The following CRYBG1 variants were observed in gnomAD, a reference collection of about 807,000 sequenced individuals.
CRYBG1 encodes the protein crystallin beta-gamma domain containing 1, also known as beta/gamma crystallin domain-containing protein 1.
Under a neutral mutation model 189.2 loss-of-function variants are expected in CRYBG1, and 139 were observed. The observed-to-expected ratio is 0.73, with a 90% CI of 0.64 to 0.85. CRYBG1 has a LOEUF of 0.85. CRYBG1 is among the 40% of genes least tolerant of loss of function. The probability of loss-of-function intolerance (pLI) is 0.00; values close to 1 mark genes in which losing one functional copy is unlikely to be tolerated. For synonymous variants in CRYBG1, 1,023 were observed against 1,017.1 expected (o/e 1.01, Z -0.11); for missense variants, 2,611 against 2,675.8 (o/e 0.98, Z 0.53).
chr6:106,521,235 C>A lies in CRYBG1; in HGVS notation c.4027C>A (p.Leu1343Met). 1 of 1,614,036 alleles carries A rather than the reference C, an allele frequency of 6.2e-7. No individual in the cohort carries two copies. The highest frequency in any genetic ancestry group is 8.5e-7 in the Non-Finnish European group (1 of 1,179,972). ...GCAAAAAGAGAAAACCAAAGAAGAT[C>A]TGGATTCACGAAGCAACCTACACTT... is the stretch of plus-strand genomic sequence containing the variant. ...YPQKEKTKED[L>M]DSRSNLHLPE... is the part of the protein sequence containing the mutation. The change falls in exon 4 of 22, where the codon CTG (leucine) becomes ATG (methionine). Residue 1343 changes from leucine (L) to methionine (M), a missense_variant. By Grantham distance (15) the Leu-to-Met change is conservative (BLOSUM62 2). Around this residue, in one of 3 missense-constraint regions of CRYBG1, gnomAD observed 1,622 missense variants for 1,735.0 expected, o/e 0.93. Coordinates refer to ENST00000633556, the MANE Select transcript of CRYBG1 (RefSeq NM_001371242.2).
intron 2 of CRYBG1, among the ~76,000 whole-genome samples, chr6:106,505,257 G>T (rs1156229611): frequency 1.3e-5 from 2 of 152,080 alleles, no homozygotes; most frequent in Non-Finnish European, 1.5e-5. Context: ...ACCACACCCG[G>T]CTAATTTTTT....
rs777297975 is a variant in CRYBG1 at position 106,512,606 on chromosome 6, C to T, written c.1489C>T (p.Arg497Ter). Residue 497 changes from arginine (R) to a stop codon, truncating the protein, a stop_gained, in exon 3 of 22, where the codon CGA (arginine) becomes TGA (stop). Transcript: ENST00000633556. LOFTEE classifies it high-confidence loss of function. ...CAGCCCCGGTACCAAAGGGCAGCTC[C>T]GAGGGGAGTCGGACCGGAGCAAACA... ...KPSPGTKGQL[R>*]GESDRSKQPP... 12 of 1,601,926 alleles carry T rather than the reference C, an allele frequency of 7.5e-6. No homozygotes were observed. The highest frequency in any genetic ancestry group is 6.9e-5 in the Admixed American group (4 of 58,378).
chr6:106,510,338 G>T (rs1274060725), intron 2 of CRYBG1, among the ~76,000 whole-genome samples: 1 of 152,174 alleles, frequency 6.6e-6, no homozygotes, highest in African/African-American at 2.4e-5. Flanking sequence ...CACCTACCCA[G>T]TCCCCACTCT....
chr6:106,520,300 C>CTG lies in CRYBG1; in HGVS notation c.3092_3093insTG (p.Pro1032GlyfsTer21), dbSNP rs768173586. ...GCAAAATCTGGCCCACAAGTCATAC[C>CTG]GCCAGCATCAGAGAAAACTCTGCCT... is the stretch of plus-strand genomic sequence containing the variant. On this transcript the variant is annotated frameshift_variant, in exon 4 of 22. Transcript: ENST00000633556. LOFTEE classifies it high-confidence loss of function. 13 of 1,614,142 alleles carry CTG rather than the reference C, an allele frequency of 8.1e-6. No individual in the cohort carries two copies. Among genetic ancestry groups the CTG allele is most frequent in the Non-Finnish European group, 1.1e-5 (13 of 1,180,042 alleles).
At chr6:106,436,191 C>G (rs6906263) in intron 1 of CRYBG1, among the ~76,000 whole-genome samples, 2 of 151,594 alleles carry the variant, frequency 1.3e-5, no homozygotes, top group Admixed American at 1.3e-4. Flanking sequence ...ACAGAAAGAA[C>G]AGAAATCAGT....
chr6:106,563,716 T>G, intron 20 of CRYBG1, 48 bp from the exon 21 acceptor site: 1 of 1,557,850 alleles, frequency 6.4e-7, no homozygotes, highest in East Asian at 2.3e-5. Context: ...GCTATGAGAC[T>G]TACAGCTGGA....
intron 1 of CRYBG1, among the ~76,000 whole-genome samples, chr6:106,415,550 C>A (rs1316085132): frequency 2.0e-5 from 3 of 149,092 alleles, no homozygotes; most frequent in African/African-American, 7.5e-5. Context: ...GTGGAAAAAT[C>A]CCGTCTCTAC....
intron 1 of CRYBG1, among the ~76,000 whole-genome samples, chr6:106,433,753 A>G (rs1562305847): frequency 2.7e-5 from 1 of 36,630 alleles, no homozygotes; most frequent in South Asian, 1.2e-3. Flanking sequence ...ATGTATATAT[A>G]TATGTGTATA....
At chr6:106,396,710 C>G (rs1245353421) in intron 1 of CRYBG1, among the ~76,000 whole-genome samples, 2 of 152,194 alleles carry the variant, frequency 1.3e-5, no homozygotes, top group African/African-American at 2.4e-5. Context: ...AATTTGGAGT[C>G]TTGCACTGTT....
At position 106,520,471 on chromosome 6, in the gene CRYBG1, T is replaced by C; in HGVS notation, c.3263T>C (p.Leu1088Ser). Reference sequence around the variant, plus strand: ...GGCCAGGATAGCCCTGCCAGCCTTTTGAACATTTCTGCTGGTAGTGATGAT... The same window carrying C: ...GGCCAGGATAGCCCTGCCAGCCTTTCGAACATTTCTGCTGGTAGTGATGAT... ...TNGQDSPASLLNISAGSDDSV... is the reference protein window; with the variant it reads ...TNGQDSPASLSNISAGSDDSV... Residue 1088 changes from leucine to serine, a missense_variant, in exon 4 of 22, where the codon TTG becomes TCG. Physicochemically the swap from Leu to Ser is moderately radical, Grantham distance 145 (BLOSUM62 -2). Transcript: ENST00000633556. 5 of 1,614,210 alleles carry C rather than the reference T, an allele frequency of 3.1e-6. No individual in the cohort carries two copies. The highest frequency in any genetic ancestry group is 4.2e-6 in the Non-Finnish European group (5 of 1,180,038).
intron 1 of CRYBG1, among the ~76,000 whole-genome samples, chr6:106,374,282 G>A (rs567944768): frequency 6.6e-6 from 1 of 152,224 alleles, no homozygotes; most frequent in Non-Finnish European, 1.5e-5. Context: ...AGCCTGGCAC[G>A]GTGGCTCATG....
chr6:106,555,707 T>C (rs1774521598), intron 16 of CRYBG1, 61 bp from the exon 17 acceptor site: 1 of 1,567,558 alleles, frequency 6.4e-7, no homozygotes, highest in East Asian at 2.3e-5. Flanking sequence ...AAATCAGACT[T>C]CTTGAATAGG....
chr6:106,469,883 G>C (rs1274788164), intron 2 of CRYBG1, among the ~76,000 whole-genome samples: 1 of 152,218 alleles, frequency 6.6e-6, no homozygotes, highest in Non-Finnish European at 1.5e-5. Flanking sequence ...GGCCCATGAA[G>C]ACTCAGTGTG....
At position 106,363,921 on chromosome 6, in the gene CRYBG1, G is replaced by GTCATCA. The variant is rs569724801; in HGVS notation, c.173+2862_173+2867dup. 6.6e-5 allele frequency among the ~76,000 whole-genome samples: 10 copies of GTCATCA among 151,902 alleles called. No individual in the cohort carries two copies. In the East Asian group the frequency reaches 7.7e-4, roughly 12 times the overall value. Reference sequence around the variant, plus strand: ...ACTCAGTAAATGCAAAAGCATCCTGGTCATCATCATCATCATCATCATCAT... The same window carrying GTCATCA: ...ACTCAGTAAATGCAAAAGCATCCTGGTCATCATCATCATCATCATCATCATCATCAT... On this transcript the variant is annotated intron_variant, in intron 1 of 21. Transcript: ENST00000633556.
chr6:106,560,556 G>A (rs917801207), intron 18 of CRYBG1, among the ~76,000 whole-genome samples: 2 of 152,136 alleles, frequency 1.3e-5, no homozygotes, highest in African/African-American at 2.4e-5. Context: ...ACTGCTTTAC[G>A]GAGGAAAAAA....
chr6:106,370,360 G>C (rs1166097911), intron 1 of CRYBG1, among the ~76,000 whole-genome samples: 1 of 152,182 alleles, frequency 6.6e-6, no homozygotes, highest in Admixed American at 6.5e-5. Context: ...GTGGTAGATG[G>C]GGGGCCCTCT....
Position 106,360,845 on chromosome 6 carries a change from C to T in CRYBG1, c.-64C>T. 6.8e-7 allele frequency: 1 copy of T among 1,463,500 alleles called. No individual in the cohort carries two copies. Among genetic ancestry groups the T allele is most frequent in the Non-Finnish European group, 9.0e-7 (1 of 1,111,640 alleles). 90.7% of individuals were successfully genotyped at this position (1,463,500 alleles called of 1,614,324 possible). ...CGAGCTGGCGCTCAGGTGTGTTCTT[C>T]CATAGGGCCCGGGCGGCAGAGAGGA... is the stretch of plus-strand genomic sequence containing the variant. On this transcript the variant is annotated 5_prime_UTR_variant, in exon 1 of 22. Coordinates refer to ENST00000633556, the MANE Select transcript of CRYBG1 (RefSeq NM_001371242.2).
intron 17 of CRYBG1, among the ~76,000 whole-genome samples, chr6:106,557,181 T>A (rs1188090069): frequency 6.6e-6 from 1 of 152,240 alleles, no homozygotes; most frequent in Non-Finnish European, 1.5e-5. Flanking sequence ...AAGTGCAAAG[T>A]AGTAATACTA....
intron 8 of CRYBG1, among the ~76,000 whole-genome samples, chr6:106,531,090 A>G (rs1773867881): frequency 6.6e-6 from 1 of 152,234 alleles, no homozygotes; most frequent in African/African-American, 2.4e-5. Context: ...TATACAGTCA[A>G]AAAAGTTTAC....
Sources: allele counts gnomAD v4.1 joint callset (sites outside exome capture counted in the v4.1 genomes callset), GRCh38; gene constraint gnomAD v4.1.1; regional missense constraint gnomAD v4.1.1; transcripts MANE v1.5; gene names NCBI Gene and HGNC (gene_info 2026-07-23, HGNC 2026-07-21).